ACTR1A: variants seen among roughly 807,000 people sequenced by gnomAD.
ACTR1A encodes alpha-centractin.
A neutral mutation model predicts 50.7 loss-of-function variants in ACTR1A; 10 were observed. The ratio of observed to expected loss-of-function variants is 0.20; its 90% CI spans 0.12 to 0.33. ACTR1A has a LOEUF of 0.33. Ranked by LOEUF, ACTR1A falls within the 10% of genes least tolerant of loss-of-function variation. The probability of loss-of-function intolerance (pLI) is 1.00; values close to 1 mark genes in which losing one functional copy is unlikely to be tolerated. For synonymous variants in ACTR1A, 177 were observed against 184.2 expected (o/e 0.96, Z 0.32); for missense variants, 253 against 491.7 (o/e 0.51, Z 4.59).
intron 6 of ACTR1A, chr10:102,483,804 C>A: frequency 3.6e-6 from 1 of 275,548 alleles, no homozygotes; most frequent in Non-Finnish European, 7.3e-6. Context: ...GAGATCACAC[C>A]ATTGCACTGC....
At chr10:102,493,052 T>C (rs1426112326) in intron 1 of ACTR1A, among the ~76,000 whole-genome samples, 1 of 127,728 alleles carries the variant, frequency 7.8e-6, no homozygotes, top group Non-Finnish European at 1.6e-5. Context: ...GAGAAAGTGG[T>C]ATGAGAGGAG....
Position 102,488,420 on chromosome 10 carries a change from A to T in ACTR1A, c.190-145T>A. The T allele has an allele frequency of 8.4e-7, 1 of 1,184,940 alleles. No individual in the cohort carries two copies. The highest frequency in any genetic ancestry group is 2.5e-5 in the East Asian group (1 of 39,910). The allele number at this position is 1,184,940 out of a possible 1,614,324, so 73.4% of individuals were successfully genotyped here. On this transcript the variant is annotated intron_variant, in intron 3 of 10. Coordinates refer to ENST00000369905, the MANE Select transcript of ACTR1A (RefSeq NM_005736.4). The surrounding 1 kb of genome is among the most constrained non-coding windows in gnomAD (Gnocchi z 4.4). The stretch of plus-strand genomic sequence containing the variant: ...ACCCTGCTGTCCTTGCCCAGGGCTA[A>T]GGGTGGGCACTCATTCTCCAAGGCT...
rs1287353239 is a variant in ACTR1A, at chr10:102,480,444, T to C, written c.*419A>G. On this transcript the variant is annotated 3_prime_UTR_variant, in exon 11 of 11. Transcript: ENST00000369905. ...ATCGATAGTGGAGGCAGCAGCTGCC[T>C]GGGGCCTCAGGGCACCCTGGGGGTG... 2 of 210,164 alleles carry C rather than the reference T, an allele frequency of 9.5e-6. No individual in the cohort carries two copies. The highest frequency in any genetic ancestry group is 1.3e-4 in the East Asian group (1 of 7,808). 13.0% of individuals were successfully genotyped at this position (210,164 alleles called of 1,614,324 possible).
intron 1 of ACTR1A, among the ~76,000 whole-genome samples, chr10:102,495,254 G>T (rs527859550): frequency 6.6e-6 from 1 of 152,104 alleles, no homozygotes; most frequent in Non-Finnish European, 1.5e-5. Context: ...GTGAGCCTCT[G>T]CCTCAAAAAA....
At chr10:102,494,079 G>T (rs1039121805) in intron 1 of ACTR1A, among the ~76,000 whole-genome samples, 3 of 152,236 alleles carry the variant, frequency 2.0e-5, no homozygotes, top group African/African-American at 7.2e-5. Context: ...CATACAAAAG[G>T]GTTATGTCCA....
intron 1 of ACTR1A, among the ~76,000 whole-genome samples, chr10:102,500,295 C>T (rs974493996): frequency 2.0e-5 from 3 of 151,974 alleles, no homozygotes; most frequent in Admixed American, 2.0e-4. Flanking sequence ...TTAGGCCGGG[C>T]GCGGTGGCTG....
chr10:102,497,172 A>G (rs1287720731), intron 1 of ACTR1A, among the ~76,000 whole-genome samples: 6 of 99,290 alleles, frequency 6.0e-5, no homozygotes, highest in East Asian at 5.5e-4. Context: ...CCATCTCAGG[A>G]AAAAAAAAAA....
intron 1 of ACTR1A, among the ~76,000 whole-genome samples, chr10:102,498,064 C>A (rs1356776142): frequency 1.3e-5 from 2 of 150,812 alleles, no homozygotes; most frequent in East Asian, 3.9e-4. Context: ...GAGCCCCAAC[C>A]TGGGCAACAG....
At chr10:102,502,495 C>G (rs1280821781) in intron 1 of ACTR1A, 105 bp downstream of exon 1, 12 of 1,288,572 alleles carry the variant, frequency 9.3e-6, no homozygotes, top group Non-Finnish European at 1.3e-5. Context: ...GCCTGACAGG[C>G]CGGGCCAGTG....
intron 1 of ACTR1A, among the ~76,000 whole-genome samples, chr10:102,493,270 G>C (rs1251462284): frequency 6.6e-6 from 1 of 152,150 alleles, no homozygotes; most frequent in Admixed American, 6.5e-5. Flanking sequence ...GACAGGCAAG[G>C]GGGGAACTCC....
chr10:102,491,805 G>A lies in ACTR1A; in HGVS notation c.49-1192C>T, dbSNP rs550331531. On this transcript the variant is annotated intron_variant, in intron 1 of 10. Transcript: ENST00000369905. Reference sequence around the variant, plus strand: ...TTTTGAGATGGAGTCTCGCTCTGTCGCCCAGGCTGGAGTGCAGTGGTGCAA... The same window carrying A: ...TTTTGAGATGGAGTCTCGCTCTGTCACCCAGGCTGGAGTGCAGTGGTGCAA... Among the ~76,000 whole-genome samples the A allele has an allele frequency of 3.9e-5, 6 of 152,102 alleles. No individual in the cohort carries two copies. In the South Asian group the frequency reaches 6.2e-4, roughly 16 times the overall value.
intron 4 of ACTR1A, among the ~76,000 whole-genome samples, chr10:102,487,179 G>A (rs1287718074): frequency 5.9e-5 from 9 of 152,118 alleles, no homozygotes; most frequent in Admixed American, 5.2e-4. Flanking sequence ...ACTTTGAGAG[G>A]TGGAGGCGGA....
chr10:102,482,382 T>C lies in ACTR1A; in HGVS notation c.751-207A>G. 3.4e-6 allele frequency: 2 copies of C among 590,770 alleles called. No homozygotes were observed. The highest frequency in any genetic ancestry group is 4.2e-5 in the South Asian group (2 of 48,038). The allele number at this position is 590,770 out of a possible 1,614,324, so 36.6% of individuals were successfully genotyped here. A position where few individuals can be genotyped will look rare whatever the true frequency, so the allele number is the denominator to read the frequency against. On this transcript the variant is annotated intron_variant, in intron 7 of 10. Transcript: ENST00000369905. The surrounding 1 kb of genome is among the most constrained non-coding windows in gnomAD (Gnocchi z 5.6). ...GAGGGGAGGCTCCTATATTTCCTTC[T>C]CGCTCTGGCATTTTCCAGCCAAGAG...
intron 1 of ACTR1A, among the ~76,000 whole-genome samples, chr10:102,499,987 G>A (rs1405312604): frequency 6.6e-6 from 1 of 152,224 alleles, no homozygotes; most frequent in African/African-American, 2.4e-5. Flanking sequence ...GGTATACTGT[G>A]TGTGTGTGGA....
Position 102,483,028 on chromosome 10 carries a change from C to T in ACTR1A, c.733G>A (p.Asp245Asn). 2 of 1,613,996 alleles carry T rather than the reference C, an allele frequency of 1.2e-6. No homozygotes were observed. The highest frequency in any genetic ancestry group is 1.1e-5 in the South Asian group (1 of 91,078). Reference protein sequence around the residue: ...ETEKAQYYLPDGSTIEIGPSR... With the variant: ...ETEKAQYYLPNGSTIEIGPSR... Reference sequence around the variant, plus strand: ...CCACCTACCTCAATGGTGCTGCCATCAGGCAGGTAGTACTGAGCTTTCTCT... The same window carrying T: ...CCACCTACCTCAATGGTGCTGCCATTAGGCAGGTAGTACTGAGCTTTCTCT... Residue 245 changes from aspartate to asparagine, a missense_variant, in exon 7 of 11, where the codon GAT becomes AAT. This residue lies in a region of ACTR1A where 116 missense variants were observed against 155.9 expected (regional missense o/e 0.74). Coordinates refer to ENST00000369905, the MANE Select transcript of ACTR1A (RefSeq NM_005736.4).
intron 4 of ACTR1A, 96 bp from the exon 5 acceptor site, chr10:102,485,829 C>A: frequency 6.5e-7 from 1 of 1,546,104 alleles, no homozygotes; most frequent in Non-Finnish European, 8.8e-7. Context: ...GTTTGAGAGC[C>A]CGGGGACTTC....
chr10:102,482,233 G>A lies in ACTR1A; in HGVS notation c.751-58C>T. 3 of 1,563,800 alleles carry A rather than the reference G, an allele frequency of 1.9e-6. No homozygotes were observed. Among genetic ancestry groups the A allele is most frequent in the East Asian group, 2.2e-5 (1 of 44,644 alleles). ...AGCTGGGACCAAGGTCCCTTTGGGAGTGGGAATGGAAGACGCCCCTCTGCA... is the reference window on the plus strand; with the variant it reads ...AGCTGGGACCAAGGTCCCTTTGGGAATGGGAATGGAAGACGCCCCTCTGCA... On this transcript the variant is annotated intron_variant, in intron 7 of 10. Coordinates refer to ENST00000369905, the MANE Select transcript of ACTR1A (RefSeq NM_005736.4). The surrounding 1 kb of genome is among the most constrained non-coding windows in gnomAD (Gnocchi z 5.6).
chr10:102,491,758 T>C (rs1025687636), intron 1 of ACTR1A, among the ~76,000 whole-genome samples: 2 of 152,150 alleles, frequency 1.3e-5, no homozygotes, highest in East Asian at 3.9e-4. Context: ...TGCTTGTAGA[T>C]ACACCCTGTC....
Position 102,484,200 on chromosome 10 carries a change from TG to T in ACTR1A, c.616del (p.His206ThrfsTer12). On this transcript the variant is annotated frameshift_variant, in exon 6 of 11. Coordinates refer to ENST00000369905, the MANE Select transcript of ACTR1A (RefSeq NM_005736.4). LOFTEE classifies it high-confidence loss of function. ...GACAATCTCAAACTCAGAGGATGAG[TG>T]GAAGTCGTAGCCCTCCTTACGCAGG... The part of the protein sequence containing the change: ...LYLRKEGYDF[H>X]SSSEFEIVKA... 6.2e-7 allele frequency: 1 copy of T among 1,614,088 alleles called. No homozygotes were observed. Among genetic ancestry groups the T allele is most frequent in the Non-Finnish European group, 8.5e-7 (1 of 1,180,008 alleles).
Sources: allele counts gnomAD v4.1 joint callset (sites outside exome capture counted in the v4.1 genomes callset), GRCh38; gene constraint gnomAD v4.1.1; regional missense constraint gnomAD v4.1.1; non-coding constraint Gnocchi (gnomAD v3.1); transcripts MANE v1.5; gene names NCBI Gene and HGNC (gene_info 2026-07-23, HGNC 2026-07-21).